COMMD1: variants seen among roughly 807,000 people sequenced by gnomAD.
COMMD1 encodes COMM domain-containing protein 1.
A neutral mutation model predicts 17.2 loss-of-function variants in COMMD1; 10 were observed. The ratio of observed to expected loss-of-function variants is 0.58; its 90% CI spans 0.36 to 0.99. The LOEUF (loss-of-function observed/expected upper bound fraction) is 0.99. Ranked by LOEUF, COMMD1 falls within the 50% of genes least tolerant of loss-of-function variation. COMMD1 has a pLI of 0.01. For synonymous variants in COMMD1, 97 were observed against 91.6 expected (o/e 1.06, Z -0.34); for missense variants, 270 against 231.8 (o/e 1.17, Z -1.07).
chr2:62,032,660 C>A (rs962565201), intron 2 of COMMD1, among the ~76,000 whole-genome samples: 1 of 152,160 alleles, frequency 6.6e-6, no homozygotes, highest in African/African-American at 2.4e-5. Flanking sequence ...TTTGGTGGAA[C>A]CTCATACATC....
At chr2:62,060,781 T>C (rs140018581) in intron 2 of COMMD1, among the ~76,000 whole-genome samples, 3 of 152,334 alleles carry the variant, frequency 2.0e-5, no homozygotes, top group East Asian at 1.9e-4. Context: ...GTTTTGTTGT[T>C]TGTCTTCAGC....
chr2:61,973,246 A>G (rs1671700275), intron 1 of COMMD1, among the ~76,000 whole-genome samples: 1 of 152,202 alleles, frequency 6.6e-6, no homozygotes, highest in Non-Finnish European at 1.5e-5. Flanking sequence ...GTCCCTAGGT[A>G]CAAGGGTTCC....
chr2:61,995,361 G>A (rs1668726431), intron 1 of COMMD1, among the ~76,000 whole-genome samples: 2 of 152,204 alleles, frequency 1.3e-5, no homozygotes, highest in South Asian at 4.2e-4. Flanking sequence ...CTTTAATCTG[G>A]CTCCAGACTG....
chr2:62,049,201 GAA>G (rs11288339), intron 2 of COMMD1, among the ~76,000 whole-genome samples: 44 of 140,754 alleles, frequency 3.1e-4, no homozygotes, highest in Admixed American at 7.1e-4. Context: ...TAATTACCAG[GAA>G]AAAAAAAAAA....
At chr2:61,991,789 G>A (rs1200922266) in intron 1 of COMMD1, among the ~76,000 whole-genome samples, 1 of 152,198 alleles carries the variant, frequency 6.6e-6, no homozygotes, top group Non-Finnish European at 1.5e-5. Flanking sequence ...AGTGTCAAGT[G>A]CGGGAGGCAG....
At chr2:62,017,360 C>T (rs1669476812) in intron 2 of COMMD1, among the ~76,000 whole-genome samples, 1 of 152,070 alleles carries the variant, frequency 6.6e-6, no homozygotes, top group Admixed American at 6.6e-5. Flanking sequence ...AGAAAACAGC[C>T]TAGTCTTCTT....
At chr2:62,025,999 A>G (rs1218710374) in intron 2 of COMMD1, among the ~76,000 whole-genome samples, 2 of 152,090 alleles carry the variant, frequency 1.3e-5, no homozygotes, top group Admixed American at 6.6e-5. Flanking sequence ...TGGCCAGGAT[A>G]CACTGTTCTT....
intron 1 of COMMD1, among the ~76,000 whole-genome samples, chr2:61,918,892 T>C (rs1052643763): frequency 1.3e-5 from 2 of 152,220 alleles, no homozygotes; most frequent in African/African-American, 4.8e-5. Flanking sequence ...TTTTATAAAT[T>C]TGGACTTCTG....
intron 1 of COMMD1, among the ~76,000 whole-genome samples, chr2:61,895,397 G>T (rs903441132): frequency 2.6e-5 from 4 of 152,190 alleles, no homozygotes; most frequent in African/African-American, 9.7e-5. Flanking sequence ...CGAGGTTGCA[G>T]CTCCAGACTT....
intron 1 of COMMD1, among the ~76,000 whole-genome samples, chr2:61,949,640 A>C (rs1670999014): frequency 6.7e-6 from 1 of 149,984 alleles, no homozygotes; most frequent in African/African-American, 2.5e-5. Context: ...TCAATTCCAG[A>C]TCAAGGCAGA....
chr2:61,900,511 A>C (rs1301584008), intron 1 of COMMD1, among the ~76,000 whole-genome samples: 1 of 152,216 alleles, frequency 6.6e-6, no homozygotes, highest in Non-Finnish European at 1.5e-5. Flanking sequence ...AGGTCTTTCT[A>C]TAATTTGGTA....
At chr2:61,932,110 T>C (rs916796277) in intron 1 of COMMD1, among the ~76,000 whole-genome samples, 6 of 152,242 alleles carry the variant, frequency 3.9e-5, no homozygotes, top group Admixed American at 6.5e-5. Flanking sequence ...CACCCCTACA[T>C]TGGCCTCCCA....
chr2:61,900,910 T>C (rs1669642297), upstream of COMMD1, among the ~76,000 whole-genome samples: 2 of 152,208 alleles, frequency 1.3e-5, no homozygotes, highest in South Asian at 4.1e-4. Flanking sequence ...TCATATTCAG[T>C]GGACATGGAA....
At chr2:61,899,917 C>T (rs1572941980) in intron 1 of COMMD1, among the ~76,000 whole-genome samples, 1 of 152,258 alleles carries the variant, frequency 6.6e-6, no homozygotes, top group South Asian at 2.1e-4. Flanking sequence ...AGTGATCCGC[C>T]CACCTTGGTT....
intron 1 of COMMD1, among the ~76,000 whole-genome samples, chr2:61,961,496 T>C (rs1671342558): frequency 1.3e-5 from 2 of 152,334 alleles, no homozygotes; most frequent in South Asian, 4.1e-4. Context: ...GACAGCTGAT[T>C]TGGAATATAT....
At chr2:61,894,667 A>G (rs899711973) in intron 1 of COMMD1, among the ~76,000 whole-genome samples, 10 of 150,188 alleles carry the variant, frequency 6.7e-5, no homozygotes, top group Admixed American at 2.0e-4. Context: ...TAGAATGATG[A>G]TATATATATA....
chr2:61,947,551 C>T (rs990520693), intron 1 of COMMD1, among the ~76,000 whole-genome samples: 16 of 151,950 alleles, frequency 1.1e-4, no homozygotes, highest in African/African-American at 3.9e-4. Context: ...GGTGTGGTGG[C>T]GGGCGCCTGT....
At chr2:62,102,669 T>C (rs1230460631) in intron 2 of COMMD1, among the ~76,000 whole-genome samples, 1 of 152,118 alleles carries the variant, frequency 6.6e-6, no homozygotes, top group Non-Finnish European at 1.5e-5. Flanking sequence ...CCAAGGCAGG[T>C]CATAGAAACC....
At chr2:62,132,954 T>C (rs1673085990) in intron 2 of COMMD1, among the ~76,000 whole-genome samples, 5 of 152,220 alleles carry the variant, frequency 3.3e-5, no homozygotes, top group Non-Finnish European at 7.3e-5. Context: ...ACTGCCTAAT[T>C]TGTCATAAAT....
Sources: allele counts gnomAD v4.1 joint callset (sites outside exome capture counted in the v4.1 genomes callset), GRCh38; gene constraint gnomAD v4.1.1; transcripts MANE v1.5; gene names NCBI Gene and HGNC (gene_info 2026-07-23, HGNC 2026-07-21).